RBM20: variants seen among roughly 807,000 people sequenced by gnomAD.
RBM20 encodes the protein RNA-binding protein 20.
In RBM20, 51 loss-of-function variants were observed where a neutral mutation model predicts 110.1. That is an observed-to-expected ratio of 0.46 (90% CI 0.37 to 0.59). RBM20 has a LOEUF of 0.59. RBM20 is among the 20% of genes least tolerant of loss of function. The pLI is 0.00. For synonymous variants in RBM20, 589 were observed against 618.2 expected (o/e 0.95, Z 0.70); for missense variants, 1,512 against 1,574.9 (o/e 0.96, Z 0.68).
chr10:110,675,179 G>C (rs1411948745), intron 1 of RBM20, among the ~76,000 whole-genome samples: 2 of 152,182 alleles, frequency 1.3e-5, no homozygotes, highest in African/African-American at 4.8e-5. Flanking sequence ...GTTTTGGATA[G>C]GTGGAAGTGA....
At chr10:110,671,501 T>C (rs918009424) in intron 1 of RBM20, among the ~76,000 whole-genome samples, 7 of 152,220 alleles carry the variant, frequency 4.6e-5, no homozygotes, top group African/African-American at 1.4e-4. Context: ...ATTTACCAGC[T>C]GTGTGAACTT....
intron 1 of RBM20, among the ~76,000 whole-genome samples, chr10:110,775,551 C>T (rs1262256058): frequency 6.6e-6 from 1 of 152,220 alleles, no homozygotes; most frequent in Non-Finnish European, 1.5e-5. Flanking sequence ...TGTTAAGACT[C>T]TCTTGGATCC....
At chr10:110,777,890 G>A (rs1426681139) in intron 1 of RBM20, among the ~76,000 whole-genome samples, 2 of 152,234 alleles carry the variant, frequency 1.3e-5, no homozygotes, top group South Asian at 4.1e-4. Context: ...AGAACAGGCT[G>A]TATGATGGAC....
At chr10:110,740,033 A>G (rs1389276586) in intron 1 of RBM20, among the ~76,000 whole-genome samples, 1 of 152,234 alleles carries the variant, frequency 6.6e-6, no homozygotes, top group African/African-American at 2.4e-5. Flanking sequence ...TTGTCTGGAA[A>G]CACGGACAAC....
chr10:110,733,950 T>C (rs1843644146), intron 1 of RBM20, among the ~76,000 whole-genome samples: 1 of 152,204 alleles, frequency 6.6e-6, no homozygotes, highest in Non-Finnish European at 1.5e-5. Flanking sequence ...CATGCCTGTC[T>C]TTTTCTTATC....
chr10:110,768,216 C>G (rs1006332092), intron 1 of RBM20, among the ~76,000 whole-genome samples: 1 of 150,932 alleles, frequency 6.6e-6, no homozygotes, highest in Non-Finnish European at 1.5e-5. Context: ...AGAGGTAGAC[C>G]GTGGAAAGAG....
chr10:110,792,990 A>T (rs987667999), intron 5 of RBM20, among the ~76,000 whole-genome samples: 1 of 152,186 alleles, frequency 6.6e-6, no homozygotes, highest in Non-Finnish European at 1.5e-5. Flanking sequence ...GAAAGCTATC[A>T]TTATCCTGGT....
At chr10:110,817,763 G>A (rs1358709334) in intron 9 of RBM20, among the ~76,000 whole-genome samples, 1 of 152,214 alleles carries the variant, frequency 6.6e-6, no homozygotes, top group Admixed American at 6.5e-5. Flanking sequence ...AGTATTGACT[G>A]GGTGAAAAGG....
At chr10:110,717,502 T>C (rs7083931) in intron 1 of RBM20, among the ~76,000 whole-genome samples, 3,445 of 152,270 alleles carry the variant, frequency 0.023, 112 homozygotes, top group African/African-American at 0.075. Flanking sequence ...CAGAGCTTAC[T>C]GTAGAGATGA....
chr10:110,739,670 C>G lies in RBM20; in HGVS notation c.192-41131C>G, dbSNP rs1050072562. Among the ~76,000 whole-genome samples, 4 of 152,118 alleles carry G rather than the reference C, an allele frequency of 2.6e-5. No individual in the cohort carries two copies. Among genetic ancestry groups the G allele is most frequent in the Admixed American group, 6.5e-5 (1 of 15,276 alleles). On this transcript the variant is annotated intron_variant, in intron 1 of 13. Transcript: ENST00000369519. The surrounding 1 kb of genome is among the most constrained non-coding windows in gnomAD (Gnocchi z 4.1). ...GAGCACCAGCATCAATGTGAACATT[C>G]TAGCTGGGACGCTTCCTTGTGGTAC...
chr10:110,803,996 C>T lies in RBM20; in HGVS notation c.1800+4078C>T, dbSNP rs771236858. ...TTACTGGGGGCTCCCTGGGATGGGC[C>T]GTAGCAGCCCAGGCTCTCTCCTCTA... is the stretch of plus-strand genomic sequence containing the variant. On this transcript the variant is annotated intron_variant, in intron 7 of 13. Coordinates refer to ENST00000369519, the MANE Select transcript of RBM20 (RefSeq NM_001134363.3). Among the ~76,000 whole-genome samples, 8 of 152,110 alleles carry T rather than the reference C, an allele frequency of 5.3e-5. No individual in the cohort carries two copies. The South Asian group carries it at 1.0e-3, about 20-fold the overall frequency.
intron 1 of RBM20, among the ~76,000 whole-genome samples, chr10:110,749,575 A>C (rs1322999): frequency 0.78 from 118,580 of 152,066 alleles, 46,623 homozygotes; most frequent in Non-Finnish European, 0.83. Flanking sequence ...AACAGGATTT[A>C]TCTTGCAATT....
At chr10:110,789,415 G>GT (rs5787873) in intron 5 of RBM20, among the ~76,000 whole-genome samples, 89,158 of 148,584 alleles carry the variant, frequency 0.6, 28,564 homozygotes, top group East Asian at 0.86. Context: ...TTTTGTTTAG[G>GT]TTTTTTTTTT....
intron 12 of RBM20, 85 bp from the exon 13 acceptor site, chr10:110,830,976 A>G: frequency 7.1e-7 from 1 of 1,402,094 alleles, no homozygotes; most frequent in Admixed American, 2.3e-5. Flanking sequence ...CGTGGCTCCC[A>G]TTTCTACCTG....
Position 110,839,316 on chromosome 10 carries a change from C to T in RBM20, c.*3338C>T, listed in dbSNP as rs562661319. The T allele has an allele frequency of 6.6e-6, 1 of 152,268 alleles. No homozygotes were observed. The highest frequency in any genetic ancestry group is 6.5e-5 in the Admixed American group (1 of 15,292). 9.4% of individuals were successfully genotyped at this position (152,268 alleles called of 1,614,324 possible). ...TTTGAATTTATGAGAAAAACCAAAA[C>T]ACTAAGTTAAGTTTGAACTTGTAAA... On this transcript the variant is annotated 3_prime_UTR_variant, in exon 14 of 14. Transcript: ENST00000369519.
chr10:110,784,098 T>C (rs1406748762), intron 3 of RBM20, among the ~76,000 whole-genome samples: 1 of 152,232 alleles, frequency 6.6e-6, no homozygotes, highest in East Asian at 1.9e-4. Flanking sequence ...GACTGAACAA[T>C]ATTCTATTGC....
At chr10:110,651,876 C>G (rs1861954179) in intron 1 of RBM20, among the ~76,000 whole-genome samples, 1 of 152,212 alleles carries the variant, frequency 6.6e-6, no homozygotes. Flanking sequence ...GTGCTGCATC[C>G]TCCTGCGCTG....
At chr10:110,774,300 G>A (rs1844232870) in intron 1 of RBM20, among the ~76,000 whole-genome samples, 1 of 152,218 alleles carries the variant, frequency 6.6e-6, no homozygotes, top group African/African-American at 2.4e-5. Context: ...ATCATTCCAA[G>A]AGGTGTCATG....
In RBM20 at chr10:110,644,391, C is replaced by T. The variant is rs891250914; in HGVS notation, c.-64C>T. The stretch of plus-strand genomic sequence containing the variant: ...ACGGGGACCCCGGCCAGTGAGCGCC[C>T]GTGGCCCGGGACCGCCCCTCCCTTG... On this transcript the variant is annotated 5_prime_UTR_variant, in exon 1 of 14. Coordinates refer to ENST00000369519, the MANE Select transcript of RBM20 (RefSeq NM_001134363.3). This position sits in a 1 kb window ranked among gnomAD's most constrained non-coding sequence, Gnocchi z 4.3. The T allele has an allele frequency of 1.5e-6, 2 of 1,310,336 alleles. No homozygotes were observed. Among genetic ancestry groups the T allele is most frequent in the Middle Eastern group, 2.7e-4 (1 of 3,660 alleles). The allele number at this position is 1,310,336 out of a possible 1,614,324, so 81.2% of individuals were successfully genotyped here. A position where few individuals can be genotyped will look rare whatever the true frequency, so the allele number is the denominator to read the frequency against.
Sources: allele counts gnomAD v4.1 joint callset (sites outside exome capture counted in the v4.1 genomes callset), GRCh38; gene constraint gnomAD v4.1.1; non-coding constraint Gnocchi (gnomAD v3.1); transcripts MANE v1.5; gene names NCBI Gene and HGNC (gene_info 2026-07-23, HGNC 2026-07-21).